Variants in SYT7 observed in about 807,000 individuals in gnomAD.
SYT7 encodes synaptotagmin-7.
SYT7 carries 29 observed loss-of-function variants against 75.1 expected under a neutral mutation model. The ratio of observed to expected loss-of-function variants is 0.39; its 90% CI spans 0.29 to 0.53. SYT7 has a LOEUF of 0.53. Among genes scored for constraint, SYT7 ranks in the 20% least tolerant of loss-of-function variants. The pLI is 0.77. For missense variants in SYT7, 693 were observed against 953.2 expected, an observed-to-expected ratio of 0.73 and a Z score of 3.59; for synonymous variants, 376 against 401.7, an observed-to-expected ratio of 0.94 and a Z score of 0.76.
At position 61,551,719 on chromosome 11, in the gene SYT7, A is replaced by G. The variant is rs537602038; in HGVS notation, c.136-256T>C. Among the ~76,000 whole-genome samples the G allele has an allele frequency of 4.0e-3, 616 of 152,170 alleles. 3 individuals carry two copies. Among genetic ancestry groups the G allele is most frequent in the Non-Finnish European group, 7.3e-3 (499 of 67,984 alleles). On this transcript the variant is annotated intron_variant, in intron 2 of 12. Transcript: ENST00000539008. The surrounding 1 kb of genome is among the most constrained non-coding windows in gnomAD (Gnocchi z 5.3). ...GACCCGAACCTCATCCCTGACTCCC[A>G]GGGATCAGCCCCTCCTGTCTGCCTA...
At chr11:61,532,872 C>T in intron 8 of SYT7, 117 bp downstream of exon 8, 2 of 1,439,270 alleles carry the variant, frequency 1.4e-6, no homozygotes, top group South Asian at 1.4e-5. Flanking sequence ...GCTTCTGACC[C>T]AGTTCCCTGC....
chr11:61,548,201 TG>T (rs1490599917), intron 3 of SYT7, among the ~76,000 whole-genome samples: 1 of 152,224 alleles, frequency 6.6e-6, no homozygotes, highest in Admixed American at 6.5e-5. Flanking sequence ...CTCGGTCCTT[TG>T]TTCTGGGGCC....
chr11:61,532,559 C>T (rs1446035828), intron 8 of SYT7, among the ~76,000 whole-genome samples: 1 of 152,122 alleles, frequency 6.6e-6, no homozygotes, highest in Non-Finnish European at 1.5e-5. Context: ...GCATTCTACC[C>T]CAGACCTCCA....
intron 1 of SYT7, among the ~76,000 whole-genome samples, chr11:61,572,123 G>A (rs534254144): frequency 1.3e-5 from 2 of 152,186 alleles, no homozygotes; most frequent in African/African-American, 2.4e-5. Flanking sequence ...GGTTGGGGGG[G>A]GGGCACACAG....
At chr11:61,535,385 G>T (rs1402113087) in intron 7 of SYT7, among the ~76,000 whole-genome samples, 2 of 152,242 alleles carry the variant, frequency 1.3e-5, no homozygotes, top group African/African-American at 4.8e-5. Flanking sequence ...GCCTTGCCCT[G>T]TCCCCCACTT....
intron 3 of SYT7, among the ~76,000 whole-genome samples, chr11:61,550,902 G>A (rs182963228): frequency 1.2e-3 from 185 of 152,302 alleles, no homozygotes; most frequent in African/African-American, 4.0e-3. Context: ...TCTGCTCCCC[G>A]AGTGGCCCAG....
chr11:61,556,424 T>C (rs2063503399), intron 1 of SYT7, among the ~76,000 whole-genome samples: 1 of 152,232 alleles, frequency 6.6e-6, no homozygotes, highest in African/African-American at 2.4e-5. Context: ...GGGGAAACTG[T>C]GCCAGTTGGC....
In SYT7 at chr11:61,546,399, G is replaced by C. The variant is rs1590889499; in HGVS notation, c.348-144C>G. The C allele has an allele frequency of 1.7e-6, 1 of 588,634 alleles. No homozygotes were observed. The highest frequency in any genetic ancestry group is 2.9e-6 in the Non-Finnish European group (1 of 340,648). 36.5% of individuals were successfully genotyped at this position (588,634 alleles called of 1,614,324 possible). A position where few individuals can be genotyped will look rare whatever the true frequency, so the allele number is the denominator to read the frequency against. ...AAAGGAAGAAAGAGACAGTGAGAGAGGAGGAGGAGAGAGACAGACGGACAT... is the reference window on the plus strand; with the variant it reads ...AAAGGAAGAAAGAGACAGTGAGAGACGAGGAGGAGAGAGACAGACGGACAT... On this transcript the variant is annotated intron_variant, in intron 4 of 12. Coordinates refer to ENST00000539008, the MANE Select transcript of SYT7 (RefSeq NM_001365809.2). This position sits in a 1 kb window ranked among gnomAD's most constrained non-coding sequence, Gnocchi z 7.6.
chr11:61,547,137 A>G (rs1487803501), intron 4 of SYT7, 40 bp downstream of exon 4: 1 of 1,531,558 alleles, frequency 6.5e-7, no homozygotes, highest in Non-Finnish European at 8.7e-7. Context: ...GCGTGCGCGG[A>G]TACTCGGTAC....
chr11:61,541,773 G>A (rs1219771979), intron 6 of SYT7, among the ~76,000 whole-genome samples: 2 of 152,024 alleles, frequency 1.3e-5, no homozygotes, highest in Non-Finnish European at 2.9e-5. Flanking sequence ...GGTTACAGGG[G>A]AGAAGTAAAT....
At position 61,515,609 on chromosome 11, in the gene SYT7, C is replaced by A. The variant is rs80128436; in HGVS notation, c.*3018G>T. Reference sequence around the variant, plus strand: ...CCACCAATCCCCACCCCTGGGGCTCCGGGGAGCCCCCCTGGCTTGTTTGTG... The same window carrying A: ...CCACCAATCCCCACCCCTGGGGCTCAGGGGAGCCCCCCTGGCTTGTTTGTG... On this transcript the variant is annotated 3_prime_UTR_variant, in exon 13 of 13. Coordinates refer to ENST00000539008, the MANE Select transcript of SYT7 (RefSeq NM_001365809.2). 0.036 allele frequency: 5,471 copies of A among 152,558 alleles called. 274 individuals are homozygous for A. The highest frequency in any genetic ancestry group is 0.11 in the African/African-American group (4,545 of 41,474). 9.5% of individuals were successfully genotyped at this position (152,558 alleles called of 1,614,324 possible). A position where few individuals can be genotyped will look rare whatever the true frequency, so the allele number is the denominator to read the frequency against.
chr11:61,563,058 G>A (rs1338181874), intron 1 of SYT7, among the ~76,000 whole-genome samples: 3 of 152,216 alleles, frequency 2.0e-5, no homozygotes, highest in East Asian at 3.9e-4. Context: ...ACTCACCCTG[G>A]CACAGACACC....
Position 61,559,487 on chromosome 11 carries a change from G to A in SYT7, c.32-3280C>T, listed in dbSNP as rs2063584058. On this transcript the variant is annotated intron_variant, in intron 1 of 12. Coordinates refer to ENST00000539008, the MANE Select transcript of SYT7 (RefSeq NM_001365809.2). ...GGGTTTGTTTTGTTCTGTAGACCAT[G>A]GGAGCCATGATAGGCTTTTGAGCAG... is the stretch of plus-strand genomic sequence containing the variant. 3.3e-5 allele frequency among the ~76,000 whole-genome samples: 5 copies of A among 152,278 alleles called. No individual in the cohort carries two copies. In the South Asian group the frequency reaches 1.0e-3, roughly 32 times the overall value.
intron 7 of SYT7, among the ~76,000 whole-genome samples, chr11:61,534,144 G>T (rs545765915): frequency 1.3e-5 from 2 of 152,184 alleles, no homozygotes; most frequent in East Asian, 3.9e-4. Flanking sequence ...AGGAGGAGAC[G>T]GGGGACCAGT....
chr11:61,582,707 G>T (rs919693759), upstream of SYT7, among the ~76,000 whole-genome samples: 1 of 152,218 alleles, frequency 6.6e-6, no homozygotes, highest in African/African-American at 2.4e-5. Context: ...TCAGTGGCCA[G>T]AAATCTCAGC....
In SYT7 at chr11:61,523,795, C is replaced by T. The variant is rs1267077713; in HGVS notation, c.1756+32G>A. 7 of 1,603,552 alleles carry T rather than the reference C, an allele frequency of 4.4e-6. No individual in the cohort carries two copies. The highest frequency in any genetic ancestry group is 1.7e-5 in the Admixed American group (1 of 59,958). ...CCTTGTGTCACCAGCACCTCCCCGGCCCGCCCATCCTCTGCTGGAGAAGCC... is the reference window on the plus strand; with the variant it reads ...CCTTGTGTCACCAGCACCTCCCCGGTCCGCCCATCCTCTGCTGGAGAAGCC... On this transcript the variant is annotated intron_variant, in intron 11 of 12. Transcript: ENST00000539008. This position sits in a 1 kb window ranked among gnomAD's most constrained non-coding sequence, Gnocchi z 5.0.
chr11:61,541,219 C>T (rs2063033313), intron 6 of SYT7: 1 of 985,546 alleles, frequency 1.0e-6, no homozygotes, highest in Admixed American at 6.1e-5. Flanking sequence ...TCTCCTCGCC[C>T]AGGCTTAGTG....
rs2063195062 is a variant in SYT7, at chr11:61,546,513, T to TG, written c.348-259dup. The TG allele has an allele frequency of 6.2e-6, 2 of 321,836 alleles. No individual in the cohort carries two copies. Among genetic ancestry groups the TG allele is most frequent in the African/African-American group, 3.2e-5 (1 of 31,610 alleles). The allele number at this position is 321,836 out of a possible 1,614,324, so 19.9% of individuals were successfully genotyped here. On this transcript the variant is annotated intron_variant, in intron 4 of 12. Transcript: ENST00000539008. The surrounding 1 kb of genome is among the most constrained non-coding windows in gnomAD (Gnocchi z 7.6). Reference sequence around the variant, plus strand: ...GAGGAGAGAGGGGGACCGGGCGGGCTGGGGGTCGGAGAACAACGCACCACG... The same window carrying TG: ...GAGGAGAGAGGGGGACCGGGCGGGCTGGGGGGTCGGAGAACAACGCACCACG...
intron 2 of SYT7, among the ~76,000 whole-genome samples, chr11:61,554,938 G>A (rs1177910958): frequency 6.6e-6 from 1 of 152,248 alleles, no homozygotes; most frequent in Non-Finnish European, 1.5e-5. Context: ...GGAGCCGCAT[G>A]CTCCCAAGTC....
Sources: allele counts gnomAD v4.1 joint callset (sites outside exome capture counted in the v4.1 genomes callset), GRCh38; gene constraint gnomAD v4.1.1; non-coding constraint Gnocchi (gnomAD v3.1); transcripts MANE v1.5; gene names NCBI Gene and HGNC (gene_info 2026-07-23, HGNC 2026-07-21).